WIPI1: variants seen among roughly 807,000 people sequenced by gnomAD.
The protein encoded by WIPI1 is WD repeat domain phosphoinositide-interacting protein 1.
Under a neutral mutation model 55.3 loss-of-function variants are expected in WIPI1, and 45 were observed. The observed-to-expected ratio is 0.81, with a 90% CI of 0.64 to 1.04. The LOEUF (loss-of-function observed/expected upper bound fraction) is 1.04, where lower values mean the gene tolerates loss of function less well. WIPI1 is among the 50% of genes least tolerant of loss of function. The pLI, the probability that WIPI1 is intolerant of heterozygous loss-of-function variation, is 0.00. For synonymous variants in WIPI1, 195 were observed against 217.6 expected, an observed-to-expected ratio of 0.90 and a Z score of 0.92; for missense variants, 445 against 559.0, an observed-to-expected ratio of 0.80 and a Z score of 2.06.
chr17:68,450,927 T>G, intron 2 of WIPI1, 30 bp from the exon 3 acceptor site: 1 of 1,599,124 alleles, frequency 6.3e-7, no homozygotes, highest in African/African-American at 1.3e-5. Flanking sequence ...GGAGGTTACA[T>G]GGATTGATCA....
chr17:68,447,026 G>A (rs987184410), intron 3 of WIPI1, among the ~76,000 whole-genome samples: 6 of 152,188 alleles, frequency 3.9e-5, no homozygotes, highest in African/African-American at 9.7e-5. Flanking sequence ...TTCAGCCCCC[G>A]CAGAACCATG....
chr17:68,440,828 A>G (rs148340699), intron 4 of WIPI1: 18 of 152,358 alleles, frequency 1.2e-4, no homozygotes, highest in African/African-American at 3.8e-4. Flanking sequence ...ACTTTAGGTA[A>G]GTTAACAGTG....
At position 68,421,668 on chromosome 17, in the gene WIPI1, C is replaced by T. The variant is rs968669098; in HGVS notation, c.*105G>A. On this transcript the variant is annotated 3_prime_UTR_variant, in exon 13 of 13. Transcript: ENST00000262139. ...AGCAGTGGAGCACCCGGGATTCCTG[C>T]CCCCCTTTCTGCTCACACAATTGCA... 5.3e-6 allele frequency: 8 copies of T among 1,512,930 alleles called. No individual in the cohort carries two copies. The highest frequency in any genetic ancestry group is 2.7e-5 in the African/African-American group (2 of 72,896). The allele number at this position is 1,512,930 out of a possible 1,614,324, so 93.7% of individuals were successfully genotyped here. A position where few individuals can be genotyped will look rare whatever the true frequency, so the allele number is the denominator to read the frequency against.
intron 9 of WIPI1, 148 bp from the exon 10 acceptor site, chr17:68,429,084 T>TATTCCTTTGCATTCTGGCC: frequency 1.6e-6 from 1 of 627,200 alleles, no homozygotes; most frequent in African/African-American, 1.8e-5. Context: ...GGCTTCTGGC[T>TATTCCTTTGCATTCTGGCC]ATTCCTTTGC....
At chr17:68,445,006 T>C (rs1026720508) in intron 3 of WIPI1, among the ~76,000 whole-genome samples, 1 of 148,246 alleles carries the variant, frequency 6.7e-6, no homozygotes, top group African/African-American at 2.5e-5. Flanking sequence ...CTGCAACCTC[T>C]GCCTCCAGGG....
chr17:68,427,402 G>A, intron 10 of WIPI1, 149 bp from the exon 11 acceptor site: 1 of 585,446 alleles, frequency 1.7e-6, no homozygotes, highest in Non-Finnish European at 2.9e-6. Flanking sequence ...TATTGCCCAG[G>A]CTGGAGTGCA....
chr17:68,444,210 A>C (rs1300480897), intron 4 of WIPI1, among the ~76,000 whole-genome samples: 1 of 152,180 alleles, frequency 6.6e-6, no homozygotes, highest in Non-Finnish European at 1.5e-5. Flanking sequence ...GAAATCTTTT[A>C]CATGTCTACC....
At chr17:68,436,985 C>G (rs2083823463) in intron 4 of WIPI1, among the ~76,000 whole-genome samples, 1 of 120,974 alleles carries the variant, frequency 8.3e-6, no homozygotes, top group Non-Finnish European at 1.7e-5. Flanking sequence ...CAGAGTGAGA[C>G]CCCGTCTCAA....
Position 68,421,653 on chromosome 17 carries a change from C to T in WIPI1, c.*120G>A. On this transcript the variant is annotated 3_prime_UTR_variant, in exon 13 of 13. Coordinates refer to ENST00000262139, the MANE Select transcript of WIPI1 (RefSeq NM_017983.7). ...AGGTCCTGTGGTTTAAGCAGTGGAG[C>T]ACCCGGGATTCCTGCCCCCCTTTCT... 1 of 1,410,290 alleles carries T rather than the reference C, an allele frequency of 7.1e-7. No individual in the cohort carries two copies. 87.4% of individuals were successfully genotyped at this position (1,410,290 alleles called of 1,614,324 possible).
intron 3 of WIPI1, among the ~76,000 whole-genome samples, chr17:68,446,105 A>G (rs1338489528): frequency 6.6e-6 from 1 of 152,190 alleles, no homozygotes; most frequent in Non-Finnish European, 1.5e-5. Flanking sequence ...CTATTCCCCA[A>G]GGAAGACTAT....
intron 1 of WIPI1, 104 bp from the exon 2 acceptor site, chr17:68,453,096 C>T (rs1402647856): frequency 1.2e-6 from 1 of 823,132 alleles, no homozygotes. Context: ...GTACAGTAAA[C>T]AAGCATCTGC....
chr17:68,441,649 A>G lies in WIPI1; in HGVS notation c.430+2844T>C, dbSNP rs73359918. Among the ~76,000 whole-genome samples, 1,003 of 152,322 alleles carry G rather than the reference A, an allele frequency of 6.6e-3. 13 individuals carry two copies. The highest frequency in any genetic ancestry group is 0.023 in the African/African-American group (958 of 41,580). On this transcript the variant is annotated intron_variant, in intron 4 of 12. Coordinates refer to ENST00000262139, the MANE Select transcript of WIPI1 (RefSeq NM_017983.7). ...CCTGTGCAAGGCTGTCCTATGGGAC[A>G]GAGAGGGCTGCGGAGTGAGTCTGAC... is the stretch of plus-strand genomic sequence containing the variant.
At chr17:68,435,503 A>G in intron 6 of WIPI1, 117 bp downstream of exon 6, 1 of 971,178 alleles carries the variant, frequency 1.0e-6, no homozygotes, top group Non-Finnish European at 1.6e-6. Flanking sequence ...ACAAATTCTG[A>G]GTGGGCCCAG....
chr17:68,439,816 A>G (rs2084001249), intron 4 of WIPI1, among the ~76,000 whole-genome samples: 1 of 152,156 alleles, frequency 6.6e-6, no homozygotes, highest in African/African-American at 2.4e-5. Context: ...ACCGTGATAT[A>G]GAGGTCTTTC....
At position 68,433,541 on chromosome 17, in the gene WIPI1, C is replaced by T. The variant is rs372023906; in HGVS notation, c.727G>A (p.Asp243Asn). 3 of 1,613,848 alleles carry T rather than the reference C, an allele frequency of 1.9e-6. No homozygotes were observed. The highest frequency in any genetic ancestry group is 1.1e-5 in the South Asian group (1 of 91,082). ...CTGGAGGCGCAGAGGAATTGTGAAT[C>T]CATACTGAACACTAGAGAGCTGATT... ...VTISSLVFSM[D>N]SQFLCASSNT... Residue 243 changes from aspartate (D) to asparagine (N), a missense_variant, in exon 8 of 13, where the codon GAT (aspartate) becomes AAT (asparagine). By Grantham distance (23) the Asp-to-Asn change is conservative. Transcript: ENST00000262139.
intron 1 of WIPI1, among the ~76,000 whole-genome samples, chr17:68,457,048 C>T (rs896812226): frequency 1.3e-5 from 2 of 152,238 alleles, no homozygotes; most frequent in Admixed American, 1.3e-4. Context: ...CCCTGCTCCC[C>T]CCATATTCCG....
At chr17:68,431,151 A>G (rs992114083) in intron 8 of WIPI1, among the ~76,000 whole-genome samples, 1 of 152,196 alleles carries the variant, frequency 6.6e-6, no homozygotes, top group East Asian at 1.9e-4. Flanking sequence ...AGATTGAGAG[A>G]GCACGGGTGT....
At chr17:68,453,075 T>TGAGGCTAGGGGGCAAA in intron 1 of WIPI1, 83 bp from the exon 2 acceptor site, 4 of 1,117,450 alleles carry the variant, frequency 3.6e-6, no homozygotes, top group Non-Finnish European at 5.4e-6. Context: ...TTTTGCCCCC[T>TGAGGCTAGGGGGCAAA]AGCCTCAGGG....
At chr17:68,452,447 C>A (rs2084533287) in intron 2 of WIPI1, among the ~76,000 whole-genome samples, 1 of 152,166 alleles carries the variant, frequency 6.6e-6, no homozygotes, top group Admixed American at 6.5e-5. Context: ...TGCCTGTAAT[C>A]TCATCTACTT....
Sources: allele counts gnomAD v4.1 joint callset (sites outside exome capture counted in the v4.1 genomes callset), GRCh38; gene constraint gnomAD v4.1.1; transcripts MANE v1.5; gene names NCBI Gene and HGNC (gene_info 2026-07-23, HGNC 2026-07-21).